The following DAPK1 variants were observed in gnomAD, a reference collection of about 807,000 sequenced individuals.
DAPK1 encodes death-associated protein kinase 1.
DAPK1 carries 56 observed loss-of-function variants against 144.9 expected under a neutral mutation model. That is an observed-to-expected ratio of 0.39 (90% CI 0.31 to 0.48). The LOEUF is 0.48. DAPK1 is among the 20% of genes least tolerant of loss of function. DAPK1 has a pLI of 0.95. For synonymous variants in DAPK1, 690 were observed against 749.0 expected (o/e 0.92, Z 1.29); for missense variants, 1,454 against 1,875.4 (o/e 0.78, Z 4.15).
chr9:87,601,744 T>C (rs1433292761), intron 2 of DAPK1, among the ~76,000 whole-genome samples: 3 of 152,168 alleles, frequency 2.0e-5, no homozygotes, highest in South Asian at 2.1e-4. Flanking sequence ...CAGGCACTTA[T>C]TATGCCCACT....
chr9:87,533,962 C>T (rs1180531713), intron 2 of DAPK1, among the ~76,000 whole-genome samples: 2 of 152,166 alleles, frequency 1.3e-5, no homozygotes, highest in East Asian at 1.9e-4. Flanking sequence ...TGCACCTGGC[C>T]GAGTCCACTC....
At chr9:87,696,333 G>A (rs1042976772) in intron 21 of DAPK1, among the ~76,000 whole-genome samples, 7 of 152,016 alleles carry the variant, frequency 4.6e-5, no homozygotes, top group African/African-American at 1.5e-4. Flanking sequence ...TTAAGCAGGT[G>A]CAGACATAAG....
intron 19 of DAPK1, among the ~76,000 whole-genome samples, chr9:87,677,348 C>G (rs1188681495): frequency 6.6e-6 from 1 of 152,190 alleles, no homozygotes. Context: ...CTAGAAGCCT[C>G]TCACAGGGGC....
intron 2 of DAPK1, chr9:87,525,294 A>C: frequency 6.2e-7 from 1 of 1,603,856 alleles, no homozygotes; most frequent in Non-Finnish European, 8.5e-7. Flanking sequence ...TGCACTCCTG[A>C]GAGCAAGATG....
rs36228329 is a variant in DAPK1 at position 87,500,307 on chromosome 9, A to G, written c.62+1168A>G. Among the ~76,000 whole-genome samples the G allele has an allele frequency of 8.0e-3, 1,225 of 152,346 alleles. 29 individuals carry two copies. In the East Asian group the frequency reaches 0.086, roughly 11 times the overall value. ...CCTGTGCTTAGGAAGAGCTCTCTGT[A>G]TATTGATGATCTGGTGAGTAAATAA... On this transcript the variant is annotated intron_variant, in intron 2 of 25. Transcript: ENST00000408954.
intron 19 of DAPK1, among the ~76,000 whole-genome samples, chr9:87,679,200 G>A (rs1432845434): frequency 6.6e-6 from 1 of 152,088 alleles, no homozygotes; most frequent in African/African-American, 2.4e-5. Flanking sequence ...CCGCAGATGG[G>A]CTCCTGGTCT....
At chr9:87,560,402 G>C (rs1167615223) in intron 2 of DAPK1, among the ~76,000 whole-genome samples, 1 of 152,126 alleles carries the variant, frequency 6.6e-6, no homozygotes, top group East Asian at 1.9e-4. Context: ...CAACTGAGTT[G>C]TGTCAGCTAT....
chr9:87,523,847 C>G (rs544132064), intron 2 of DAPK1, among the ~76,000 whole-genome samples: 1 of 152,098 alleles, frequency 6.6e-6, no homozygotes, highest in Non-Finnish European at 1.5e-5. Flanking sequence ...ATCAGCAAAG[C>G]TGCTGTTTCC....
chr9:87,571,498 AACACACACACACACAC>A (rs768913480), intron 2 of DAPK1, among the ~76,000 whole-genome samples: 5 of 46,486 alleles, frequency 1.1e-4, no homozygotes, highest in African/African-American at 1.9e-4. Context: ...CACACACCCC[AACACACACACACACAC>A]ACACACACAC....
chr9:87,618,069 C>T (rs1313361389), intron 3 of DAPK1, among the ~76,000 whole-genome samples: 1 of 152,194 alleles, frequency 6.6e-6, no homozygotes, highest in African/African-American at 2.4e-5. Context: ...AGAATTCTTC[C>T]TGAATTATTA....
At chr9:87,502,969 G>A (rs1824463056) in intron 2 of DAPK1, among the ~76,000 whole-genome samples, 2 of 152,156 alleles carry the variant, frequency 1.3e-5, no homozygotes, top group Non-Finnish European at 2.9e-5. Flanking sequence ...TTTGGCAAGT[G>A]TAATTTTGAG....
intron 17 of DAPK1, among the ~76,000 whole-genome samples, chr9:87,653,503 G>A (rs1474422875): frequency 6.6e-6 from 1 of 152,060 alleles, no homozygotes; most frequent in Non-Finnish European, 1.5e-5. Context: ...TCCCGTGTGT[G>A]TGTATGTATG....
intron 24 of DAPK1, chr9:87,701,857 G>C: frequency 2.1e-6 from 1 of 470,152 alleles, no homozygotes; most frequent in South Asian, 1.6e-5. Flanking sequence ...CTTCACACCA[G>C]ATATCCTCGT....
At chr9:87,529,863 A>G (rs1825643954) in intron 2 of DAPK1, among the ~76,000 whole-genome samples, 1 of 152,194 alleles carries the variant, frequency 6.6e-6, no homozygotes, top group African/African-American at 2.4e-5. Flanking sequence ...CATCTGCTCT[A>G]AATTTCCTCC....
At chr9:87,687,612 G>A (rs1235772243) in intron 21 of DAPK1, among the ~76,000 whole-genome samples, 7 of 152,144 alleles carry the variant, frequency 4.6e-5, no homozygotes, top group Admixed American at 2.0e-4. Flanking sequence ...GGGCGTGCAC[G>A]TATCCCTTTG....
intron 3 of DAPK1, chr9:87,633,290 A>G (rs1829777853): frequency 2.0e-6 from 2 of 984,762 alleles, no homozygotes; most frequent in African/African-American, 3.5e-5. Flanking sequence ...GGGGATGGGT[A>G]TGTAGGGATG....
At chr9:87,516,762 T>C (rs190284069) in intron 2 of DAPK1, among the ~76,000 whole-genome samples, 1 of 152,238 alleles carries the variant, frequency 6.6e-6, no homozygotes, top group Non-Finnish European at 1.5e-5. Context: ...CACCCTGCGA[T>C]TGGGGCATTT....
intron 19 of DAPK1, among the ~76,000 whole-genome samples, chr9:87,673,771 T>C (rs955505223): frequency 1.3e-5 from 2 of 152,132 alleles, no homozygotes; most frequent in Non-Finnish European, 2.9e-5. Context: ...GAGGGAGCAT[T>C]TGCACCACAG....
At chr9:87,680,265 C>T (rs1466359053) in intron 19 of DAPK1, among the ~76,000 whole-genome samples, 2 of 152,016 alleles carry the variant, frequency 1.3e-5, no homozygotes, top group African/African-American at 2.4e-5. Context: ...CCACCACGCC[C>T]GGCTAATTTT....
Sources: allele counts gnomAD v4.1 joint callset (sites outside exome capture counted in the v4.1 genomes callset), GRCh38; gene constraint gnomAD v4.1.1; transcripts MANE v1.5; gene names NCBI Gene and HGNC (gene_info 2026-07-23, HGNC 2026-07-21).